The following FBXO21 variants were observed in gnomAD, a reference collection of about 807,000 sequenced individuals.
The protein encoded by FBXO21 is F-box only protein 21.
A neutral mutation model predicts 76.6 loss-of-function variants in FBXO21; 32 were observed. That is an observed-to-expected ratio of 0.42 (90% confidence interval 0.32 to 0.56). FBXO21 has a LOEUF of 0.56. FBXO21 is among the 20% of genes least tolerant of loss of function. The probability of loss-of-function intolerance (pLI) is 0.16; values close to 1 mark genes in which losing one functional copy is unlikely to be tolerated. For synonymous variants in FBXO21, 328 were observed against 311.5 expected, an observed-to-expected ratio of 1.05 and a Z score of -0.56; for missense variants, 586 against 797.3, an observed-to-expected ratio of 0.73 and a Z score of 3.19.
At chr12:117,166,190 CAAAAAAAAAA>C (rs34746643) in intron 8 of FBXO21, among the ~76,000 whole-genome samples, 1 of 107,786 alleles carries the variant, frequency 9.3e-6, no homozygotes. Context: ...AACTATGTCT[CAAAAAAAAAA>C]AAAAAAAAAG....
chr12:117,145,999 C>CG lies in FBXO21; in HGVS notation c.*87dup. The CG allele has an allele frequency of 8.6e-7, 1 of 1,168,164 alleles. No homozygotes were observed. The highest frequency in any genetic ancestry group is 1.2e-6 in the Non-Finnish European group (1 of 837,030). The allele number at this position is 1,168,164 out of a possible 1,614,324, so 72.4% of individuals were successfully genotyped here. On this transcript the variant is annotated 3_prime_UTR_variant, in exon 12 of 12. Transcript: ENST00000622495. ...GTGGCTTTCCTGGTGCAGCAGGTCC[C>CG]GAGGGCTCCGTGGAGACGTCTTCTT...
At chr12:117,169,071 C>A (rs1242738958) in intron 7 of FBXO21, among the ~76,000 whole-genome samples, 6 of 152,178 alleles carry the variant, frequency 3.9e-5, no homozygotes, top group African/African-American at 1.4e-4. Flanking sequence ...CTGGAATCAA[C>A]CTAAATGCCC....
At chr12:117,153,654 T>G (rs1955873476) in intron 11 of FBXO21, among the ~76,000 whole-genome samples, 1 of 152,038 alleles carries the variant, frequency 6.6e-6, no homozygotes, top group Non-Finnish European at 1.5e-5. Flanking sequence ...CTGGGGGAGA[T>G]CTGCCCCTTG....
chr12:117,146,245 T>C lies in FBXO21; in HGVS notation c.1708A>G (p.Ile570Val). ...TAGCGTCCCACGTCAGGGTGTGAGA[T>C]TTCTTGAGGCTCCACGTTATATTCC... ...NLEYNVEPQE[I>V]SHPDVGRYFS... Residue 570 changes from isoleucine to valine, a missense_variant, in exon 12 of 12, where the codon ATC (isoleucine) becomes GTC (valine). This residue lies in a region of FBXO21 where 164 missense variants were observed against 236.7 expected (regional missense o/e 0.69). Coordinates refer to ENST00000622495, the MANE Select transcript of FBXO21 (RefSeq NM_015002.3). 7 of 1,610,826 alleles carry C rather than the reference T, an allele frequency of 4.3e-6. No homozygotes were observed. The highest frequency in any genetic ancestry group is 5.9e-6 in the Non-Finnish European group (7 of 1,179,118).
chr12:117,181,606 T>TATCC, intron 3 of FBXO21, among the ~76,000 whole-genome samples: 1 of 123,356 alleles, frequency 8.1e-6, no homozygotes, highest in Non-Finnish European at 1.5e-5. Context: ...ACAGTCTATC[T>TATCC]ATCTATCTAT....
intron 2 of FBXO21, among the ~76,000 whole-genome samples, chr12:117,187,624 G>C (rs995574564): frequency 2.0e-5 from 3 of 152,092 alleles, no homozygotes; most frequent in Non-Finnish European, 4.4e-5. Context: ...CAAAGTCCTT[G>C]ACATACTTCT....
In FBXO21 at chr12:117,190,408, C is replaced by T. The variant is rs763951132; in HGVS notation, c.49G>A (p.Ala17Thr). ...DSAMEVVPAL[A>T]EEAAPEVAGL... ...GCTACCTCCGGCGCGGCCTCCTCCGCCAGCGCCGGCACCACCTCCATCGCG... is the reference window on the plus strand; with the variant it reads ...GCTACCTCCGGCGCGGCCTCCTCCGTCAGCGCCGGCACCACCTCCATCGCG... The change falls in exon 1 of 12, where the codon GCG (alanine) becomes ACG (threonine). Residue 17 changes from alanine to threonine, a missense_variant. This residue lies in a region of FBXO21 where 152 missense variants were observed against 127.2 expected (regional missense o/e 1.19). Coordinates refer to ENST00000622495, the MANE Select transcript of FBXO21 (RefSeq NM_015002.3). The T allele has an allele frequency of 6.7e-6, 10 of 1,487,714 alleles. No individual in the cohort carries two copies. Among genetic ancestry groups the T allele is most frequent in the Admixed American group, 4.5e-5 (2 of 44,316 alleles). The allele number at this position is 1,487,714 out of a possible 1,614,324, so 92.2% of individuals were successfully genotyped here.
intron 3 of FBXO21, among the ~76,000 whole-genome samples, chr12:117,182,564 C>CTTTTTTTTTT (rs891529583): frequency 4.8e-5 from 4 of 83,338 alleles, no homozygotes; most frequent in Non-Finnish European, 8.5e-5. Flanking sequence ...GCAAGAGGAT[C>CTTTTTTTTTT]TTTTTTTTTT....
rs895452783 is a variant in FBXO21, at chr12:117,142,255, G to T, written c.*3832C>A. On this transcript the variant is annotated 3_prime_UTR_variant, in exon 12 of 12. Coordinates refer to ENST00000622495, the MANE Select transcript of FBXO21 (RefSeq NM_015002.3). ...GAGCTCAGTGGTTCCTGGAGACTCA[G>T]GGACCACCTGTATTCCACATCCGGC... 6.6e-6 allele frequency: 1 copy of T among 152,192 alleles called. No homozygotes were observed. Among genetic ancestry groups the T allele is most frequent in the Admixed American group, 6.6e-5 (1 of 15,262 alleles). The allele number at this position is 152,192 out of a possible 1,614,324, so 9.4% of individuals were successfully genotyped here.
chr12:117,173,413 T>C (rs1451770894), intron 6 of FBXO21, among the ~76,000 whole-genome samples: 2 of 152,230 alleles, frequency 1.3e-5, no homozygotes, highest in African/African-American at 2.4e-5. Context: ...CCAGAAAGTA[T>C]TTAAGACTGT....
chr12:117,150,218 T>C (rs948636112), intron 11 of FBXO21, among the ~76,000 whole-genome samples: 1 of 152,212 alleles, frequency 6.6e-6, no homozygotes, highest in African/African-American at 2.4e-5. Flanking sequence ...GAGTAAAACA[T>C]GAACCAGGCA....
At chr12:117,151,165 T>C (rs773282462) in intron 11 of FBXO21, among the ~76,000 whole-genome samples, 4 of 152,172 alleles carry the variant, frequency 2.6e-5, no homozygotes, top group Non-Finnish European at 5.9e-5. Context: ...CACATGGTAG[T>C]TGAATTCCTG....
chr12:117,150,864 C>T (rs1955829606), intron 11 of FBXO21, among the ~76,000 whole-genome samples: 1 of 82,320 alleles, frequency 1.2e-5, no homozygotes, highest in Non-Finnish European at 2.5e-5. Flanking sequence ...GTACAGCTGG[C>T]CATGGACTGT....
In FBXO21 at chr12:117,144,290, G is replaced by C. The variant is rs1955744280; in HGVS notation, c.*1797C>G. ...AAACTTTCCCCTTTAAATGAAAGTA[G>C]TGTACAATCCTCCCAACCTTGGCGG... On this transcript the variant is annotated 3_prime_UTR_variant, in exon 12 of 12. Transcript: ENST00000622495. The C allele has an allele frequency of 1.3e-5, 2 of 152,190 alleles. No homozygotes were observed. Among genetic ancestry groups the C allele is most frequent in the South Asian group, 2.1e-4 (1 of 4,832 alleles). 9.4% of individuals were successfully genotyped at this position (152,190 alleles called of 1,614,324 possible).
At chr12:117,181,784 G>T (rs1403151550) in intron 3 of FBXO21, among the ~76,000 whole-genome samples, 2 of 152,032 alleles carry the variant, frequency 1.3e-5, no homozygotes, top group Non-Finnish European at 2.9e-5. Flanking sequence ...TGAGTAGCTG[G>T]GATTACAGGT....
At chr12:117,181,612 T>C (rs201289986) in intron 3 of FBXO21, among the ~76,000 whole-genome samples, 1 of 145,794 alleles carries the variant, frequency 6.9e-6, no homozygotes, top group East Asian at 2.4e-4. Flanking sequence ...TATCTATCTA[T>C]CTATCTATCT....
intron 11 of FBXO21, among the ~76,000 whole-genome samples, chr12:117,146,941 A>G (rs1015520141): frequency 6.6e-6 from 1 of 152,138 alleles, no homozygotes; most frequent in Non-Finnish European, 1.5e-5. Context: ...CTATTTTGCC[A>G]CTAGAGAAAT....
intron 11 of FBXO21, among the ~76,000 whole-genome samples, chr12:117,147,997 T>C (rs972352214): frequency 6.6e-6 from 1 of 152,242 alleles, no homozygotes; most frequent in Non-Finnish European, 1.5e-5. Context: ...TGGCCTATTA[T>C]TTCTTAAACA....
intron 9 of FBXO21, among the ~76,000 whole-genome samples, chr12:117,164,273 T>TC: frequency 7.6e-6 from 1 of 130,946 alleles, no homozygotes; most frequent in East Asian, 2.0e-4. Flanking sequence ...TCTTTTCTTT[T>TC]CTTTTTTTTT....
Sources: allele counts gnomAD v4.1 joint callset (sites outside exome capture counted in the v4.1 genomes callset), GRCh38; gene constraint gnomAD v4.1.1; regional missense constraint gnomAD v4.1.1; transcripts MANE v1.5; gene names NCBI Gene and HGNC (gene_info 2026-07-23, HGNC 2026-07-21).